Variants in ERBB4 observed in about 807,000 individuals in gnomAD.
ERBB4 encodes erb-b2 receptor tyrosine kinase 4.
A neutral mutation model predicts 158.0 loss-of-function variants in ERBB4; 42 were observed. The ratio of observed to expected loss-of-function variants is 0.27; its 90% CI spans 0.21 to 0.34. The LOEUF (loss-of-function observed/expected upper bound fraction) is 0.34, where lower values mean the gene tolerates loss of function less well. Among genes scored for constraint, ERBB4 ranks in the 10% least tolerant of loss-of-function variants. The pLI is 1.00. For missense variants in ERBB4, 1,333 were observed against 1,624.1 expected, an observed-to-expected ratio of 0.82 and a Z score of 3.08; for synonymous variants, 583 against 558.7, an observed-to-expected ratio of 1.04 and a Z score of -0.61.
chr2:212,270,836 T>TAG (rs369577614), intron 1 of ERBB4, among the ~76,000 whole-genome samples: 78 of 149,894 alleles, frequency 5.2e-4, no homozygotes, highest in South Asian at 2.1e-3. Flanking sequence ...AGGAGAGAAA[T>TAG]AGAGAGAGAG....
intron 20 of ERBB4, among the ~76,000 whole-genome samples, chr2:211,555,144 G>T (rs2067202570): frequency 6.6e-6 from 1 of 152,110 alleles, no homozygotes. Context: ...GAGGGAGCAT[G>T]ACTGCCTATA....
At chr2:212,277,683 T>C (rs1356317346) in intron 1 of ERBB4, among the ~76,000 whole-genome samples, 1 of 151,766 alleles carries the variant, frequency 6.6e-6, no homozygotes, top group Non-Finnish European at 1.5e-5. Flanking sequence ...AACTCTCTTA[T>C]GTATTGCCTG....
intron 1 of ERBB4, among the ~76,000 whole-genome samples, chr2:212,510,240 C>T (rs932666033): frequency 7.5e-6 from 1 of 132,550 alleles, no homozygotes; most frequent in African/African-American, 3.4e-5. Flanking sequence ...TATAACTACT[C>T]CCATCCAATG....
intron 1 of ERBB4, among the ~76,000 whole-genome samples, chr2:212,372,507 T>A (rs1343724440): frequency 6.6e-6 from 1 of 152,014 alleles, no homozygotes; most frequent in Non-Finnish European, 1.5e-5. Flanking sequence ...CCCAGCACTT[T>A]GGGAGGTTGA....
At chr2:211,623,040 T>C (rs1311140386) in intron 18 of ERBB4, among the ~76,000 whole-genome samples, 1 of 76,642 alleles carries the variant, frequency 1.3e-5, no homozygotes, top group African/African-American at 4.8e-5. Flanking sequence ...TATATATATA[T>C]ATATAAAATG....
chr2:211,669,235 A>AAAAG (rs2071744983), intron 14 of ERBB4, among the ~76,000 whole-genome samples: 2 of 137,686 alleles, frequency 1.5e-5, no homozygotes, highest in Admixed American at 7.1e-5. Context: ...AAAAAAAAAA[A>AAAAG]AAAGAAAAAA....
At chr2:212,168,653 C>T (rs1461384650) in intron 1 of ERBB4, among the ~76,000 whole-genome samples, 1 of 152,068 alleles carries the variant, frequency 6.6e-6, no homozygotes, top group Non-Finnish European at 1.5e-5. Flanking sequence ...TTCAACAGGG[C>T]TTATCCCAGA....
chr2:211,927,953 G>A (rs933042152), intron 3 of ERBB4, among the ~76,000 whole-genome samples: 2 of 151,800 alleles, frequency 1.3e-5, no homozygotes, highest in African/African-American at 4.8e-5. Context: ...TACATACAGG[G>A]GTACATCAGT....
intron 12 of ERBB4, among the ~76,000 whole-genome samples, chr2:211,688,896 T>C (rs2072684611): frequency 6.6e-6 from 1 of 151,644 alleles, no homozygotes; most frequent in African/African-American, 2.4e-5. Flanking sequence ...CTTAAATATA[T>C]TATAAATTAT....
chr2:212,471,142 G>T (rs980963341), intron 1 of ERBB4, among the ~76,000 whole-genome samples: 1 of 151,972 alleles, frequency 6.6e-6, no homozygotes. Context: ...ATTTCACAAA[G>T]AAAATATGAT....
rs1016751041 is a variant in ERBB4, at chr2:211,383,832, A to G, written c.3710T>C (p.Phe1237Ser). ...LSMPEKAKKA[F>S]DNPDYWNHSL... ...GTGGTTCCAGTAGTCAGGGTTGTCAAACGCTTTCTTGGCCTTCTCTGGCAT... is the reference window on the plus strand; with the variant it reads ...GTGGTTCCAGTAGTCAGGGTTGTCAGACGCTTTCTTGGCCTTCTCTGGCAT... Residue 1237 changes from phenylalanine (F) to serine (S), a missense_variant, in exon 28 of 28, where the codon TTT becomes TCT. By Grantham distance (155) the Phe-to-Ser change is radical. Around this residue, in one of 5 missense-constraint regions of ERBB4, gnomAD observed 84 missense variants for 110.8 expected, o/e 0.76. Transcript: ENST00000342788. The G allele has an allele frequency of 1.9e-6, 3 of 1,614,120 alleles. No homozygotes were observed. Among genetic ancestry groups the G allele is most frequent in the Non-Finnish European group, 2.5e-6 (3 of 1,180,012 alleles).
intron 1 of ERBB4, among the ~76,000 whole-genome samples, chr2:212,393,897 A>G (rs2090950597): frequency 6.6e-6 from 1 of 152,128 alleles, no homozygotes; most frequent in Non-Finnish European, 1.5e-5. Context: ...TCTAGGCCAG[A>G]TGCAAAAATG....
At chr2:211,861,136 A>AT (rs1164536540) in intron 3 of ERBB4, among the ~76,000 whole-genome samples, 32 of 31,644 alleles carry the variant, frequency 1.0e-3, no homozygotes, top group Non-Finnish European at 1.4e-3. Flanking sequence ...ATATATATAT[A>AT]TATATATATA....
intron 1 of ERBB4, among the ~76,000 whole-genome samples, chr2:212,467,544 G>A (rs1030256806): frequency 2.3e-4 from 35 of 152,314 alleles, no homozygotes; most frequent in Admixed American, 9.2e-4. Context: ...GTGATGTTGA[G>A]CCCGCCAGTG....
intron 3 of ERBB4, among the ~76,000 whole-genome samples, chr2:211,936,603 T>A (rs2125110797): frequency 6.6e-6 from 1 of 152,206 alleles, no homozygotes; most frequent in Non-Finnish European, 1.5e-5. Flanking sequence ...CTAGAATAAC[T>A]TGCACTTCTG....
intron 20 of ERBB4, among the ~76,000 whole-genome samples, chr2:211,550,596 A>T (rs1035015822): frequency 3.3e-4 from 41 of 124,416 alleles, no homozygotes; most frequent in African/African-American, 9.5e-4. Context: ...TATATATATA[A>T]ATATATAGAT....
At chr2:212,059,322 C>A (rs564216652) in intron 2 of ERBB4, among the ~76,000 whole-genome samples, 1 of 152,164 alleles carries the variant, frequency 6.6e-6, no homozygotes, top group African/African-American at 2.4e-5. Context: ...ACATTCCATT[C>A]TCATGGATAG....
intron 1 of ERBB4, among the ~76,000 whole-genome samples, chr2:212,289,843 T>C (rs574707977): frequency 5.9e-5 from 9 of 152,190 alleles, no homozygotes; most frequent in African/African-American, 9.6e-5. Context: ...TCTCAAATTA[T>C]GTCATCCTGA....
At chr2:212,220,631 G>A (rs2083262847) in intron 1 of ERBB4, among the ~76,000 whole-genome samples, 1 of 151,332 alleles carries the variant, frequency 6.6e-6, no homozygotes, top group Admixed American at 6.6e-5. Context: ...TGTTAACAAT[G>A]ACCAACCATT....
Sources: gnomAD v4.1 joint callset for allele counts (sites outside exome capture counted in the v4.1 genomes callset) on GRCh38, gnomAD v4.1.1 for gene constraint, gnomAD v4.1.1 regional missense constraint, MANE v1.5 for transcripts, NCBI Gene and HGNC (gene_info 2026-07-23, HGNC 2026-07-21) for gene names.